PCDHGB2: variants seen among roughly 807,000 people sequenced by gnomAD.
The protein encoded by PCDHGB2 is protocadherin gamma-B2.
PCDHGB2 carries 55 observed loss-of-function variants against 59.3 expected under a neutral mutation model. The observed-to-expected ratio is 0.93, with a 90% confidence interval of 0.75 to 1.16. PCDHGB2 has a LOEUF of 1.16. Among genes scored for constraint, PCDHGB2 ranks in the 50% most tolerant of loss-of-function variants. The pLI, the probability that PCDHGB2 is intolerant of heterozygous loss-of-function variation, is 0.00. For missense variants in PCDHGB2, 1,228 were observed against 1,198.5 expected (o/e 1.02, Z -0.36); for synonymous variants, 516 against 512.0 (o/e 1.01, Z -0.11).
chr5:141,360,701 G>A lies in PCDHGB2; in HGVS notation c.566G>A (p.Arg189His), dbSNP rs1316006767. ...DLAEKQTPDGRKYPELILKHS... is the reference protein window; with the variant it reads ...DLAEKQTPDGHKYPELILKHS... ...GCTGAGAAACAGACTCCAGATGGTC[G>A]TAAATATCCTGAGTTGATTCTAAAA... The change falls in exon 1 of 4, where the codon CGT (arginine) becomes CAT (histidine). Residue 189 changes from arginine to histidine, a missense_variant. Arg to His is a conservative substitution (Grantham distance 29). Coordinates refer to ENST00000522605, the MANE Select transcript of PCDHGB2 (RefSeq NM_018923.3). 6.2e-7 allele frequency: 1 copy of A among 1,613,936 alleles called. No homozygotes were observed. Among genetic ancestry groups the A allele is most frequent in the Admixed American group, 1.7e-5 (1 of 60,032 alleles).
At chr5:141,420,086 TAC>T (rs1396904191) in intron 1 of PCDHGB2, 2 of 1,614,002 alleles carry the variant, frequency 1.2e-6, no homozygotes, top group Non-Finnish European at 1.7e-6. Context: ...TCCCCCCAAC[TAC>T]AGTGAGGGAA....
At chr5:141,385,142 C>T (rs1420566063) in intron 1 of PCDHGB2, 2 of 1,614,210 alleles carry the variant, frequency 1.2e-6, no homozygotes, top group Non-Finnish European at 1.7e-6. Flanking sequence ...GGGGTGCAGG[C>T]TTTCCTGCAG....
At chr5:141,397,195 G>T (rs2093485269) in intron 1 of PCDHGB2, among the ~76,000 whole-genome samples, 1 of 152,150 alleles carries the variant, frequency 6.6e-6, no homozygotes, top group Non-Finnish European at 1.5e-5. Context: ...TACTGTAAAA[G>T]ATATGACATA....
chr5:141,505,676 C>A (rs1308943385), intron 3 of PCDHGB2, among the ~76,000 whole-genome samples, 195 bp downstream of exon 3: 1 of 152,060 alleles, frequency 6.6e-6, no homozygotes, highest in South Asian at 2.1e-4. Context: ...GGTTGGGGGT[C>A]CTGGGATGCC....
intron 1 of PCDHGB2, chr5:141,389,226 C>G: frequency 6.2e-7 from 1 of 1,614,064 alleles, no homozygotes; most frequent in Non-Finnish European, 8.5e-7. Context: ...TGACAACGCT[C>G]CGGTTTTCTC....
At chr5:141,398,267 T>G (rs757957397) in intron 1 of PCDHGB2, 2 of 1,435,108 alleles carry the variant, frequency 1.4e-6, no homozygotes, top group East Asian at 2.5e-5. Context: ...GGCTCCGTAG[T>G]GGGGAACCTC....
chr5:141,477,857 C>T lies in PCDHGB2; in HGVS notation c.2422-16950C>T. ...AGGTGGGAGCTCGGTGGAGATGCTG[C>T]CTCGAGGTACCTCAGCTGGCCACCT... On this transcript the variant is annotated intron_variant, in intron 1 of 3. Transcript: ENST00000522605. The surrounding 1 kb of genome is among the most constrained non-coding windows in gnomAD (Gnocchi z 4.9). The T allele has an allele frequency of 6.2e-7, 1 of 1,613,574 alleles. No individual in the cohort carries two copies. The highest frequency in any genetic ancestry group is 8.5e-7 in the Non-Finnish European group (1 of 1,179,836).
chr5:141,477,571 C>A lies in PCDHGB2; in HGVS notation c.2422-17236C>A, dbSNP rs1470454976. ...TAAACCTAAGTGTCTGGGACCCCGA[C>A]GCCCCGCAGAATGCTCGGCTTTCTT... is the stretch of plus-strand genomic sequence containing the variant. On this transcript the variant is annotated intron_variant, in intron 1 of 3. Coordinates refer to ENST00000522605, the MANE Select transcript of PCDHGB2 (RefSeq NM_018923.3). The surrounding 1 kb of genome is among the most constrained non-coding windows in gnomAD (Gnocchi z 4.9). The A allele has an allele frequency of 3.1e-6, 5 of 1,614,042 alleles. No homozygotes were observed. In the South Asian group the frequency reaches 4.4e-5, roughly 14 times the overall value.
intron 1 of PCDHGB2, among the ~76,000 whole-genome samples, chr5:141,464,197 G>A (rs1216682352): frequency 3.3e-5 from 5 of 151,394 alleles, no homozygotes; most frequent in African/African-American, 9.7e-5. Context: ...TTCAGGAGGC[G>A]GAGATTGCAG....
intron 1 of PCDHGB2, chr5:141,421,703 G>A: frequency 1.2e-6 from 2 of 1,613,946 alleles, no homozygotes; most frequent in Middle Eastern, 1.6e-4. Context: ...CCTAATGCTA[G>A]GGATCCAGAT....
chr5:141,482,891 G>A (rs1594277958), intron 1 of PCDHGB2, among the ~76,000 whole-genome samples: 2 of 152,168 alleles, frequency 1.3e-5, no homozygotes, highest in East Asian at 3.8e-4. Flanking sequence ...GGCCAACATG[G>A]TGAAACCTCA....
intron 1 of PCDHGB2, chr5:141,375,011 G>A (rs1035429416): frequency 1.2e-6 from 2 of 1,614,028 alleles, no homozygotes; most frequent in African/African-American, 1.3e-5. Context: ...TCTAGACTAT[G>A]AGGACTCGAG....
rs1173375966 is a variant in PCDHGB2, at chr5:141,511,162, GAGA to G, written c.2791_2793del (p.Lys931del). 16 of 1,614,044 alleles carry G rather than the reference GAGA, an allele frequency of 9.9e-6. No individual in the cohort carries two copies. The highest frequency in any genetic ancestry group is 5.5e-5 in the South Asian group (5 of 91,078). On this transcript the variant is annotated inframe_deletion, in exon 4 of 4. Transcript: ENST00000522605. The stretch of plus-strand genomic sequence containing the variant: ...CAACAAGAAGAAGTCGGGCAAGAAG[GAGA>G]AGAAGTAACATGGAGGCCAGGCCAA...
At chr5:141,394,094 A>C (rs759909698) in intron 1 of PCDHGB2, 5 of 1,613,934 alleles carry the variant, frequency 3.1e-6, no homozygotes, top group Non-Finnish European at 3.4e-6. Flanking sequence ...CCTCAGATCT[A>C]GGAACACCAC....
Position 141,476,075 on chromosome 5 carries a change from G to T in PCDHGB2, c.2422-18732G>T. ...TGAAAGTTTCTCAGCGAAATCTCAG[G>T]GACGATCTGGACCCCGCTGAGAGGA... On this transcript the variant is annotated intron_variant, in intron 1 of 3. Coordinates refer to ENST00000522605, the MANE Select transcript of PCDHGB2 (RefSeq NM_018923.3). This position sits in a 1 kb window ranked among gnomAD's most constrained non-coding sequence, Gnocchi z 7.6. The T allele has an allele frequency of 6.6e-7, 1 of 1,526,282 alleles. No homozygotes were observed. The highest frequency in any genetic ancestry group is 1.3e-5 in the South Asian group (1 of 78,462). The allele number at this position is 1,526,282 out of a possible 1,614,324, so 94.5% of individuals were successfully genotyped here.
At position 141,409,100 on chromosome 5, in the gene PCDHGB2, A is replaced by G. The variant is rs1341878280; in HGVS notation, c.2421+46544A>G. ...GTTCTCATTGGATGAGAAAACAGGT[A>G]TGATTAAGAATAACCAGTCATTTGA... is the stretch of plus-strand genomic sequence containing the variant. On this transcript the variant is annotated intron_variant, in intron 1 of 3. Transcript: ENST00000522605. The G allele has an allele frequency of 6.8e-6, 11 of 1,613,934 alleles. No homozygotes were observed. In the Admixed American group the frequency reaches 1.0e-4, roughly 15 times the overall value.
rs757663132 is a variant in PCDHGB2 at position 141,510,991 on chromosome 5, A to G, written c.2614A>G (p.Met872Val). ...CACCCTGGGAGGGGGTGCCGGCACC[A>G]TGGGATTGAGCGCCCGCTACGGACC... is the stretch of plus-strand genomic sequence containing the variant. ...SSTLGGGAGT[M>V]GLSARYGPQF... is the part of the protein sequence containing the mutation. Residue 872 changes from methionine (M) to valine (V), a missense_variant, in exon 4 of 4, where the codon ATG becomes GTG. Coordinates refer to ENST00000522605, the MANE Select transcript of PCDHGB2 (RefSeq NM_018923.3). 1.2e-6 allele frequency: 2 copies of G among 1,614,136 alleles called. No individual in the cohort carries two copies. Among genetic ancestry groups the G allele is most frequent in the Admixed American group, 3.3e-5 (2 of 60,022 alleles).
At chr5:141,503,804 G>A (rs2099831736) in intron 2 of PCDHGB2, among the ~76,000 whole-genome samples, 1 of 152,034 alleles carries the variant, frequency 6.6e-6, no homozygotes, top group South Asian at 2.1e-4. Flanking sequence ...TAGGGACGGG[G>A]AATCCCAGAT....
At chr5:141,382,585 A>C (rs543954739) in intron 1 of PCDHGB2, among the ~76,000 whole-genome samples, 8 of 152,250 alleles carry the variant, frequency 5.3e-5, no homozygotes, top group Non-Finnish European at 1.0e-4. Context: ...GGAAATTTTG[A>C]AAGATGAAAC....
Sources: allele counts gnomAD v4.1 joint callset (sites outside exome capture counted in the v4.1 genomes callset), GRCh38; gene constraint gnomAD v4.1.1; non-coding constraint Gnocchi (gnomAD v3.1); transcripts MANE v1.5; gene names NCBI Gene and HGNC (gene_info 2026-07-23, HGNC 2026-07-21).